AKT1: variants seen among roughly 807,000 people sequenced by gnomAD.
AKT1 encodes the protein RAC-alpha serine/threonine-protein kinase.
A neutral mutation model predicts 63.1 loss-of-function variants in AKT1; 21 were observed. The observed-to-expected ratio is 0.33, with a 90% CI of 0.24 to 0.48. The LOEUF (loss-of-function observed/expected upper bound fraction) is 0.48, where lower values mean the gene tolerates loss of function less well. AKT1 is among the 20% of genes least tolerant of loss of function. The pLI is 0.99. For missense variants in AKT1, 382 were observed against 666.0 expected, an observed-to-expected ratio of 0.57 and a Z score of 4.69; for synonymous variants, 257 against 253.1, an observed-to-expected ratio of 1.02 and a Z score of -0.15.
At chr14:104,781,507 C>CA (rs1337645921) in intron 3 of AKT1, among the ~76,000 whole-genome samples, 1 of 152,156 alleles carries the variant, frequency 6.6e-6, no homozygotes, top group African/African-American at 2.4e-5. Flanking sequence ...TCCCAGCAGG[C>CA]ATTCTACTTT....
At chr14:104,793,794 C>T (rs1028238242) in intron 1 of AKT1, 1 of 152,634 alleles carries the variant, frequency 6.6e-6, no homozygotes, top group Non-Finnish European at 1.5e-5. Flanking sequence ...ACAGGCATCC[C>T]CAGAAAGAGC....
At chr14:104,789,695 G>A (rs1393902564) in intron 3 of AKT1, among the ~76,000 whole-genome samples, 1 of 152,184 alleles carries the variant, frequency 6.6e-6, no homozygotes, top group Non-Finnish European at 1.5e-5. Context: ...AGCTGAGCTG[G>A]GCTGCTTATC....
chr14:104,785,830 C>T (rs1441915020), intron 3 of AKT1, among the ~76,000 whole-genome samples: 2 of 152,144 alleles, frequency 1.3e-5, no homozygotes, highest in East Asian at 1.9e-4. Context: ...CCGTCCACCT[C>T]GCTGAGGCAC....
At position 104,773,880 on chromosome 14, in the gene AKT1, C is replaced by CG. The variant is rs1384780319; in HGVS notation, c.702+31dup. The CG allele has an allele frequency of 3.2e-6, 5 of 1,579,758 alleles. No homozygotes were observed. The South Asian group carries it at 4.6e-5, about 14-fold the overall frequency. On this transcript the variant is annotated intron_variant, in intron 9 of 14. Transcript: ENST00000649815. The stretch of plus-strand genomic sequence containing the variant: ...CCCACCATGGGCGGCCCACAGGCCG[C>CG]GAAGTCCATCCCCCGCAGCCCCAGC...
intron 6 of AKT1, 98 bp from the exon 7 acceptor site, chr14:104,775,305 G>C (rs566755966): frequency 6.4e-7 from 1 of 1,568,714 alleles, no homozygotes; most frequent in African/African-American, 1.3e-5. Context: ...GTCGGAGGCA[G>C]AGCCAGGAGA....
chr14:104,773,521 G>A lies in AKT1; in HGVS notation c.762C>T (p.Gly254=), dbSNP rs1193355666. ...VFSEDRARFY[G]AEIVSALDYL... ...AGTCCAGGGCTGACACAATCTCAGC[G>A]CCATAGAAGCGGGCCCGGTCCTCGG... is the stretch of plus-strand genomic sequence containing the variant. The change falls in exon 10 of 15, where the codon GGC becomes GGT. Residue 254 remains glycine (G), a synonymous_variant. Coordinates refer to ENST00000649815, the MANE Select transcript of AKT1 (RefSeq NM_001382430.1). 9.9e-6 allele frequency: 16 copies of A among 1,613,204 alleles called. No individual in the cohort carries two copies. Among genetic ancestry groups the A allele is most frequent in the Admixed American group, 5.0e-5 (3 of 59,866 alleles).
intron 5 of AKT1, 121 bp from the exon 6 acceptor site, chr14:104,775,920 C>A: frequency 7.9e-7 from 1 of 1,266,754 alleles, no homozygotes; most frequent in South Asian, 1.4e-5. Context: ...CCAGAGACAG[C>A]CCTGAGGAGG....
At chr14:104,788,118 C>T (rs1312921445) in intron 3 of AKT1, among the ~76,000 whole-genome samples, 1 of 152,198 alleles carries the variant, frequency 6.6e-6, no homozygotes, top group East Asian at 1.9e-4. Flanking sequence ...CCACGGGGGC[C>T]GTTCCAGACC....
chr14:104,777,623 G>A lies in AKT1; in HGVS notation c.176-853C>T, dbSNP rs190299716. The stretch of plus-strand genomic sequence containing the variant: ...CACCCTGAGGGCTGTGGGAACGTGC[G>A]GGGCCCTGAGAGGTGTGAGTGAGTG... On this transcript the variant is annotated intron_variant, in intron 4 of 14. Coordinates refer to ENST00000649815, the MANE Select transcript of AKT1 (RefSeq NM_001382430.1). 25 of 991,608 alleles carry A rather than the reference G, an allele frequency of 2.5e-5. No individual in the cohort carries two copies. The East Asian group carries it at 7.9e-4, about 31-fold the overall frequency. 61.4% of individuals were successfully genotyped at this position (991,608 alleles called of 1,614,324 possible).
At chr14:104,771,176 TTTC>T (rs927717518) in intron 13 of AKT1, 3 of 325,062 alleles carry the variant, frequency 9.2e-6, no homozygotes, top group East Asian at 4.8e-5. Context: ...TTCCTTTTTC[TTTC>T]TTGTTTTCTT....
chr14:104,776,705 T>G lies in AKT1; in HGVS notation c.241A>C (p.Thr81Pro). Residue 81 changes from threonine to proline, a missense_variant, in exon 5 of 15, where the codon ACC (threonine) becomes CCC (proline). Around this residue, in one of 3 missense-constraint regions of AKT1, gnomAD observed 226 missense variants for 366.4 expected, o/e 0.62. Coordinates refer to ENST00000649815, the MANE Select transcript of AKT1 (RefSeq NM_001382430.1). ...NTFIIRCLQW[T>P]TVIERTFHVE... The stretch of plus-strand genomic sequence containing the variant: ...TGGAAGGTGCGTTCGATGACAGTGG[T>G]CCACTGCAGGCAGCGGATGATGAAG... 6.2e-7 allele frequency: 1 copy of G among 1,613,452 alleles called. No individual in the cohort carries two copies.
chr14:104,775,971 C>T (rs1229236635), intron 5 of AKT1, 172 bp from the exon 6 acceptor site: 52 of 732,382 alleles, frequency 7.1e-5, no homozygotes, highest in Non-Finnish European at 5.0e-5. Flanking sequence ...CTCAGGGTCA[C>T]GAAGCCCTCT....
At position 104,775,212 on chromosome 14, in the gene AKT1, G is replaced by C. The variant is rs1355193133; in HGVS notation, c.436-5C>G. The C allele has an allele frequency of 3.7e-6, 6 of 1,613,614 alleles. No homozygotes were observed. In the South Asian group the frequency reaches 5.5e-5, roughly 15 times the overall value. The stretch of plus-strand genomic sequence containing the variant: ...GTACTCAAACTCGTTCATGGTCTAT[G>C]GGCAGGCACCAGGGTCAGCAAGCGG... On this transcript the variant is annotated splice_region_variant and splice_polypyrimidine_tract_variant and intron_variant, in intron 6 of 14. Coordinates refer to ENST00000649815, the MANE Select transcript of AKT1 (RefSeq NM_001382430.1).
intron 4 of AKT1, chr14:104,777,376 C>G (rs1371371925): frequency 7.8e-6 from 2 of 257,950 alleles, no homozygotes; most frequent in African/African-American, 4.8e-5. Flanking sequence ...CAAAGCCACA[C>G]CTGGGGCACA....
chr14:104,775,704 T>A lies in AKT1; in HGVS notation c.383A>T (p.Asn128Ile). Reference protein sequence around the residue: ...MDFRSGSPSDNSGAEEMEVSL... With the variant: ...MDFRSGSPSDISGAEEMEVSL... ...CACCTCCATCTCTTCAGCCCCTGAG[T>A]TGTCACTGGGTGAGCCCGACCGGAA... The change falls in exon 6 of 15, where the codon AAC becomes ATC. Residue 128 changes from asparagine to isoleucine, a missense_variant. Asn to Ile is a moderately radical substitution (Grantham distance 149, BLOSUM62 -3). This residue lies in a region of AKT1 where 226 missense variants were observed against 366.4 expected (regional missense o/e 0.62). Coordinates refer to ENST00000649815, the MANE Select transcript of AKT1 (RefSeq NM_001382430.1). 1 of 1,613,980 alleles carries A rather than the reference T, an allele frequency of 6.2e-7. No homozygotes were observed. Among genetic ancestry groups the A allele is most frequent in the Non-Finnish European group, 8.5e-7 (1 of 1,179,954 alleles).
At chr14:104,779,809 T>G (rs1892934498) in intron 4 of AKT1, among the ~76,000 whole-genome samples, 1 of 147,132 alleles carries the variant, frequency 6.8e-6, no homozygotes, top group Non-Finnish European at 1.5e-5. Flanking sequence ...AGCCTCGGCC[T>G]CGGGACTTGG....
At chr14:104,780,721 C>T (rs537804200) in intron 3 of AKT1, among the ~76,000 whole-genome samples, 29 of 152,234 alleles carry the variant, frequency 1.9e-4, no homozygotes, top group East Asian at 1.3e-3. Context: ...CCGCCCCCCC[C>T]GCCCCGCCGC....
intron 1 of AKT1, chr14:104,794,921 T>C (rs1474422240): frequency 5.3e-5 from 8 of 152,272 alleles, no homozygotes; most frequent in Admixed American, 5.2e-4. Context: ...GGGCAGGACC[T>C]CCAGGGCCCA....
intron 3 of AKT1, among the ~76,000 whole-genome samples, chr14:104,785,454 C>G (rs1415210056): frequency 6.6e-6 from 1 of 152,208 alleles, no homozygotes; most frequent in Non-Finnish European, 1.5e-5. Flanking sequence ...TCTGAGGGGG[C>G]ACAAGTGGCC....
Sources: gnomAD v4.1 joint callset for allele counts (sites outside exome capture counted in the v4.1 genomes callset) on GRCh38, gnomAD v4.1.1 for gene constraint, gnomAD v4.1.1 regional missense constraint, MANE v1.5 for transcripts, NCBI Gene and HGNC (gene_info 2026-07-23, HGNC 2026-07-21) for gene names.